The following SAMD12 variants were observed in gnomAD, a reference collection of about 807,000 sequenced individuals.
SAMD12 encodes the protein sterile alpha motif domain-containing protein 12.
Under a neutral mutation model 15.0 loss-of-function variants are expected in SAMD12, and 9 were observed. The ratio of observed to expected loss-of-function variants is 0.60; its 90% CI spans 0.36 to 1.05. The LOEUF is 1.05. Ranked by LOEUF, SAMD12 falls within the 50% of genes least tolerant of loss-of-function variation. The probability of loss-of-function intolerance (pLI) is 0.01; values close to 1 mark genes in which losing one functional copy is unlikely to be tolerated. For synonymous variants in SAMD12, 86 were observed against 90.1 expected, an observed-to-expected ratio of 0.96 and a Z score of 0.25; for missense variants, 230 against 234.2, an observed-to-expected ratio of 0.98 and a Z score of 0.12.
At chr8:118,375,014 T>C (rs965868970), downstream of SAMD12, among the ~76,000 whole-genome samples, 1 of 152,142 alleles carries the variant, frequency 6.6e-6, no homozygotes, top group Non-Finnish European at 1.5e-5. Context: ...GCCTAATTCA[T>C]TTAAGTATTG....
chr8:118,169,182 G>A, the SAMD12 span, among the ~76,000 whole-genome samples: 1 of 152,020 alleles, frequency 6.6e-6, no homozygotes, highest in African/African-American at 2.4e-5. Flanking sequence ...ACCTGTACAT[G>A]TACCCCCTGA....
At chr8:118,313,236 C>T (rs956369418) in intron 4 of SAMD12, among the ~76,000 whole-genome samples, 22 of 152,148 alleles carry the variant, frequency 1.4e-4, no homozygotes, top group Non-Finnish European at 2.9e-5. Flanking sequence ...CGTTATGCCC[C>T]TATATTGACA....
chr8:118,452,200 GA>G (rs1390268185), intron 2 of SAMD12, among the ~76,000 whole-genome samples: 1 of 152,060 alleles, frequency 6.6e-6, no homozygotes, highest in Non-Finnish European at 1.5e-5. Context: ...TGAACTGGGA[GA>G]AAATACATTT....
chr8:118,263,777 T>C (rs546595640), intron 4 of SAMD12, among the ~76,000 whole-genome samples: 6 of 152,144 alleles, frequency 3.9e-5, no homozygotes, highest in South Asian at 4.1e-4. Flanking sequence ...TGCTCACATA[T>C]AGGCAGCTCT....
At chr8:118,584,932 CACACACACACACACACACACACAA>C (rs1220872675) in intron 1 of SAMD12, among the ~76,000 whole-genome samples, 1 of 151,168 alleles carries the variant, frequency 6.6e-6, no homozygotes, top group Non-Finnish European at 1.5e-5. Flanking sequence ...TACACACACA[CACACACACACACACACACACACAA>C]ACACACACAC....
intron 2 of SAMD12, among the ~76,000 whole-genome samples, chr8:118,519,377 G>C (rs1825329577): frequency 6.6e-6 from 1 of 152,162 alleles, no homozygotes; most frequent in Non-Finnish European, 1.5e-5. Flanking sequence ...TAACAAGGAA[G>C]ACCCTAAATA....
intron 4 of SAMD12, among the ~76,000 whole-genome samples, chr8:118,257,276 G>T (rs1430695846): frequency 1.3e-5 from 2 of 152,068 alleles, no homozygotes; most frequent in Non-Finnish European, 2.9e-5. Context: ...GACACCTTCT[G>T]CCAGAAAGGT....
At chr8:118,532,598 T>G (rs1825721644) in intron 2 of SAMD12, among the ~76,000 whole-genome samples, 1 of 152,200 alleles carries the variant, frequency 6.6e-6, no homozygotes, top group Non-Finnish European at 1.5e-5. Context: ...GGCTCTTAAT[T>G]GTTGCCTCAA....
At chr8:118,599,174 A>C (rs1358307846) in intron 1 of SAMD12, among the ~76,000 whole-genome samples, 1 of 152,218 alleles carries the variant, frequency 6.6e-6, no homozygotes, top group Non-Finnish European at 1.5e-5. Context: ...TTTTGAACTC[A>C]AAATGGATGG....
chr8:118,505,698 C>T (rs1036044780), intron 2 of SAMD12, among the ~76,000 whole-genome samples: 11 of 151,472 alleles, frequency 7.3e-5, no homozygotes, highest in African/African-American at 2.7e-4. Flanking sequence ...CTTCATATCT[C>T]GTAAGACGTT....
At chr8:118,222,086 T>TA (rs1453635978) in intron 4 of SAMD12, among the ~76,000 whole-genome samples, 1 of 152,098 alleles carries the variant, frequency 6.6e-6, no homozygotes, top group Non-Finnish European at 1.5e-5. Context: ...GTTTGACATC[T>TA]AAAAAAGAAA....
intron 4 of SAMD12, among the ~76,000 whole-genome samples, chr8:118,276,490 G>A (rs2130133804): frequency 6.6e-6 from 1 of 152,288 alleles, no homozygotes; most frequent in East Asian, 1.9e-4. Flanking sequence ...CATTTTGTGT[G>A]TCCCATAAAC....
chr8:118,237,999 G>T (rs1296221242), intron 4 of SAMD12, among the ~76,000 whole-genome samples: 1 of 151,906 alleles, frequency 6.6e-6, no homozygotes, highest in Non-Finnish European at 1.5e-5. Context: ...TTTGTGATTT[G>T]GTTATTTGTC....
chr8:118,591,815 T>A (rs951280207), intron 1 of SAMD12, among the ~76,000 whole-genome samples: 7 of 152,138 alleles, frequency 4.6e-5, no homozygotes, highest in African/African-American at 1.7e-4. Flanking sequence ...CTGCATTCTC[T>A]GTGAAACCAA....
intron 2 of SAMD12, among the ~76,000 whole-genome samples, chr8:118,486,204 G>A (rs935119221): frequency 1.4e-4 from 21 of 152,094 alleles, no homozygotes; most frequent in Admixed American, 1.3e-3. Context: ...CACGAGGTCA[G>A]GAGATAGAGA....
chr8:118,197,699 G>C (rs1424577209), exon 5 of SAMD12: 8 of 1,612,256 alleles, frequency 5.0e-6, no homozygotes, highest in Middle Eastern at 1.7e-4. Flanking sequence ...AGCTTGGAAG[G>C]CTAACCGTGT....
At chr8:118,405,673 A>G (rs1350546456) in intron 3 of SAMD12, among the ~76,000 whole-genome samples, 1 of 151,992 alleles carries the variant, frequency 6.6e-6, no homozygotes, top group Non-Finnish European at 1.5e-5. Flanking sequence ...ATACCAGAAA[A>G]CAAAGAAAGA....
chr8:118,286,790 C>A (rs1446841339), intron 4 of SAMD12, among the ~76,000 whole-genome samples: 5 of 152,118 alleles, frequency 3.3e-5, no homozygotes, highest in Admixed American at 3.3e-4. Context: ...TTGGAGAAGT[C>A]AGGTTAAGGA....
chr8:118,472,035 C>T (rs1334717165), intron 2 of SAMD12, among the ~76,000 whole-genome samples: 2 of 152,164 alleles, frequency 1.3e-5, no homozygotes, highest in Non-Finnish European at 2.9e-5. Flanking sequence ...CGCCTGTAAT[C>T]CCAGCACTTT....
Sources: gnomAD v4.1 joint callset for allele counts (sites outside exome capture counted in the v4.1 genomes callset) on GRCh38, gnomAD v4.1.1 for gene constraint, MANE v1.5 for transcripts, NCBI Gene and HGNC (gene_info 2026-07-23, HGNC 2026-07-21) for gene names.